DCUN1D4: variants seen among roughly 807,000 people sequenced by gnomAD.
DCUN1D4 encodes the protein DCN1-like protein 4.
In DCUN1D4, 22 loss-of-function variants were observed where a neutral mutation model predicts 47.9. That is an observed-to-expected ratio of 0.46 (90% CI 0.33 to 0.66). The LOEUF is 0.66. Ranked by LOEUF, DCUN1D4 falls within the 30% of genes least tolerant of loss-of-function variation. The pLI is 0.02. For missense variants in DCUN1D4, 301 were observed against 340.8 expected, an observed-to-expected ratio of 0.88 and a Z score of 0.92; for synonymous variants, 121 against 112.2, an observed-to-expected ratio of 1.08 and a Z score of -0.50.
rs369107322 is a variant in DCUN1D4, at chr4:51,843,406, C to A, written c.25+139C>A. The A allele has an allele frequency of 2.4e-5, 30 of 1,275,614 alleles. 1 individual carries two copies. In the South Asian group the frequency reaches 6.2e-4, roughly 26 times the overall value. 79.0% of individuals were successfully genotyped at this position (1,275,614 alleles called of 1,614,324 possible). A position where few individuals can be genotyped will look rare whatever the true frequency, so the allele number is the denominator to read the frequency against. On this transcript the variant is annotated intron_variant, in intron 1 of 10. Transcript: ENST00000334635. ...TGCCTGGGAACCACCCCTTCCCCTCCCGGGGCCGGGGCGGGCGGTGACGCT... is the reference window on the plus strand; with the variant it reads ...TGCCTGGGAACCACCCCTTCCCCTCACGGGGCCGGGGCGGGCGGTGACGCT...
At chr4:51,840,744 G>A (rs931282950), upstream of DCUN1D4, among the ~76,000 whole-genome samples, 4 of 152,154 alleles carry the variant, frequency 2.6e-5, no homozygotes, top group African/African-American at 9.7e-5. Context: ...GGTTTATATG[G>A]TGTGGATTAT....
chr4:51,869,717 A>G (rs552009079), intron 3 of DCUN1D4, among the ~76,000 whole-genome samples: 49 of 152,332 alleles, frequency 3.2e-4, no homozygotes, highest in Middle Eastern at 3.4e-3. Context: ...AAGGGCCTTT[A>G]GTCTGAACCA....
At chr4:51,879,149 C>A (rs1728140641) in intron 5 of DCUN1D4, among the ~76,000 whole-genome samples, 1 of 152,170 alleles carries the variant, frequency 6.6e-6, no homozygotes, top group Non-Finnish European at 1.5e-5. Context: ...TCTGTCATTT[C>A]TTTAATGAGT....
chr4:51,888,845 G>T (rs140644991), intron 6 of DCUN1D4, among the ~76,000 whole-genome samples: 1 of 152,088 alleles, frequency 6.6e-6, no homozygotes, highest in Non-Finnish European at 1.5e-5. Flanking sequence ...GGTGGCTCAC[G>T]CCTGTAATCC....
intron 8 of DCUN1D4, 94 bp downstream of exon 8, chr4:51,899,472 A>G (rs952597221): frequency 1.4e-6 from 2 of 1,481,290 alleles, no homozygotes; most frequent in Admixed American, 6.3e-5. Context: ...CACAGCAAAA[A>G]AACTTGAATA....
chr4:51,892,404 T>A (rs1402587613), intron 7 of DCUN1D4, among the ~76,000 whole-genome samples: 1 of 152,218 alleles, frequency 6.6e-6, no homozygotes, highest in Non-Finnish European at 1.5e-5. Context: ...CAGTGGCTAT[T>A]GAGTTGAACG....
intron 7 of DCUN1D4, among the ~76,000 whole-genome samples, chr4:51,896,633 T>G (rs771586221): frequency 2.6e-5 from 4 of 152,156 alleles, no homozygotes; most frequent in African/African-American, 4.8e-5. Context: ...TCTAACCCTA[T>G]AGTGCGAATT....
intron 8 of DCUN1D4, among the ~76,000 whole-genome samples, chr4:51,910,051 A>G (rs1471093500): frequency 1.3e-5 from 2 of 152,188 alleles, no homozygotes; most frequent in Non-Finnish European, 2.9e-5. Context: ...TGGTCACAGC[A>G]TCATCCCTTA....
At chr4:51,864,067 A>G (rs1013701883) in intron 3 of DCUN1D4, among the ~76,000 whole-genome samples, 2 of 152,224 alleles carry the variant, frequency 1.3e-5, no homozygotes, top group African/African-American at 2.4e-5. Context: ...ATGATTTAAT[A>G]TGGTGTGTGT....
intron 3 of DCUN1D4, among the ~76,000 whole-genome samples, chr4:51,866,141 C>T (rs1725866539): frequency 3.3e-5 from 5 of 152,062 alleles, no homozygotes. Flanking sequence ...ACTAAGGGTC[C>T]CTTCACCTGA....
intron 4 of DCUN1D4, among the ~76,000 whole-genome samples, chr4:51,876,557 C>T (rs1285239233): frequency 6.6e-6 from 1 of 151,944 alleles, no homozygotes; most frequent in Non-Finnish European, 1.5e-5. Context: ...TACCCTAAAA[C>T]TTAAGTATAA....
intron 1 of DCUN1D4, chr4:51,843,685 A>G: frequency 8.1e-7 from 1 of 1,241,546 alleles, no homozygotes; most frequent in Non-Finnish European, 1.0e-6. Flanking sequence ...CGAGCGGGGC[A>G]CAAGGGTGAG....
At chr4:51,843,406 C>G (rs369107322) in intron 1 of DCUN1D4, 139 bp downstream of exon 1, 2 of 1,275,614 alleles carry the variant, frequency 1.6e-6, no homozygotes, top group African/African-American at 3.1e-5. Flanking sequence ...CCTTCCCCTC[C>G]CGGGGCCGGG....
chr4:51,911,976 A>G (rs1442025231), intron 9 of DCUN1D4, among the ~76,000 whole-genome samples: 1 of 152,194 alleles, frequency 6.6e-6, no homozygotes, highest in African/African-American at 2.4e-5. Flanking sequence ...ACTCTTGAAT[A>G]ATCTTTCTCA....
At chr4:51,892,642 T>C (rs1730605610) in intron 7 of DCUN1D4, among the ~76,000 whole-genome samples, 1 of 152,254 alleles carries the variant, frequency 6.6e-6, no homozygotes. Flanking sequence ...TGGTTTTATG[T>C]ATTTGCCTTG....
chr4:51,870,257 C>T (rs1008289772), intron 3 of DCUN1D4, among the ~76,000 whole-genome samples: 2 of 151,686 alleles, frequency 1.3e-5, no homozygotes, highest in African/African-American at 4.8e-5. Flanking sequence ...AGTTGTAAGT[C>T]GGTGAAGTCT....
chr4:51,911,883 C>G (rs1050162325), intron 9 of DCUN1D4, among the ~76,000 whole-genome samples: 4 of 152,100 alleles, frequency 2.6e-5, no homozygotes, highest in Non-Finnish European at 5.9e-5. Context: ...GCCCCAAGCC[C>G]TTCTAAAAAG....
upstream of DCUN1D4, among the ~76,000 whole-genome samples, chr4:51,839,422 T>G (rs777805166): frequency 6.6e-6 from 1 of 152,180 alleles, no homozygotes. Context: ...CTCCACTGTG[T>G]TGTTGTGAAG....
intron 8 of DCUN1D4, among the ~76,000 whole-genome samples, chr4:51,904,827 A>G (rs967376556): frequency 2.6e-5 from 4 of 152,190 alleles, no homozygotes; most frequent in African/African-American, 9.7e-5. Flanking sequence ...TCCTACTAGA[A>G]AAGTGGACTC....
Sources: allele counts gnomAD v4.1 joint callset (sites outside exome capture counted in the v4.1 genomes callset), GRCh38; gene constraint gnomAD v4.1.1; transcripts MANE v1.5; gene names NCBI Gene and HGNC (gene_info 2026-07-23, HGNC 2026-07-21).